Variants in IPP observed in about 807,000 individuals in gnomAD.
IPP encodes the protein intracisternal A particle-promoted polypeptide, also known as actin-binding protein IPP.
IPP carries 41 observed loss-of-function variants against 64.1 expected under a neutral mutation model. The observed-to-expected ratio is 0.64, with a 90% CI of 0.50 to 0.83. IPP has a LOEUF of 0.83. Among genes scored for constraint, IPP ranks in the 40% least tolerant of loss-of-function variants. The pLI is 0.00. For synonymous variants in IPP, 214 were observed against 235.2 expected, an observed-to-expected ratio of 0.91 and a Z score of 0.83; for missense variants, 649 against 703.0, an observed-to-expected ratio of 0.92 and a Z score of 0.87.
At position 45,698,950 on chromosome 1, in the gene IPP, G is replaced by A; in HGVS notation, c.*1016C>T. 2 of 685,348 alleles carry A rather than the reference G, an allele frequency of 2.9e-6. No individual in the cohort carries two copies. The highest frequency in any genetic ancestry group is 3.6e-6 in the Non-Finnish European group (2 of 556,060). 42.5% of individuals were successfully genotyped at this position (685,348 alleles called of 1,614,324 possible). A position where few individuals can be genotyped will look rare whatever the true frequency, so the allele number is the denominator to read the frequency against. Reference sequence around the variant, plus strand: ...TTGCCCAGGCTAGTCTCGAACTCCTGAGTTCAAGCCATCTTCCCGTCTCAC... The same window carrying A: ...TTGCCCAGGCTAGTCTCGAACTCCTAAGTTCAAGCCATCTTCCCGTCTCAC... On this transcript the variant is annotated 3_prime_UTR_variant, in exon 9 of 9. Coordinates refer to ENST00000396478, the MANE Select transcript of IPP (RefSeq NM_005897.3).
intron 4 of IPP, among the ~76,000 whole-genome samples, chr1:45,729,165 A>T (rs1454585515): frequency 6.6e-6 from 1 of 150,718 alleles, no homozygotes; most frequent in East Asian, 1.9e-4. Flanking sequence ...AAAAAAGAAG[A>T]AGTTGTAATA....
At chr1:45,748,502 T>C (rs1330723642) in intron 1 of IPP, among the ~76,000 whole-genome samples, 2 of 151,884 alleles carry the variant, frequency 1.3e-5, no homozygotes, top group African/African-American at 2.4e-5. Flanking sequence ...ACCCTGTCTC[T>C]ACTAAAAATA....
chr1:45,728,479 C>T (rs1461391292), intron 4 of IPP, among the ~76,000 whole-genome samples: 1 of 151,482 alleles, frequency 6.6e-6, no homozygotes, highest in Non-Finnish European at 1.5e-5. Flanking sequence ...ATTTTAAATG[C>T]TGATAAAGTT....
Position 45,699,781 on chromosome 1 carries a change from G to A in IPP, c.*185C>T, listed in dbSNP as rs1431553479. 1 of 1,385,104 alleles carries A rather than the reference G, an allele frequency of 7.2e-7. No individual in the cohort carries two copies. 85.8% of individuals were successfully genotyped at this position (1,385,104 alleles called of 1,614,324 possible). A position where few individuals can be genotyped will look rare whatever the true frequency, so the allele number is the denominator to read the frequency against. The stretch of plus-strand genomic sequence containing the variant: ...GGGCTCAAGTGATCCTTCTGCCTCA[G>A]CCTTCCAAAGTGCTGGGATTATAGG... On this transcript the variant is annotated 3_prime_UTR_variant, in exon 9 of 9. Coordinates refer to ENST00000396478, the MANE Select transcript of IPP (RefSeq NM_005897.3).
Position 45,699,152 on chromosome 1 carries a change from G to A in IPP, c.*814C>T, listed in dbSNP as rs1021041461. ...TTCTCAGGATCAAGACAAAAAATAT[G>A]AGCAAGCAAAAACTTATCATCAAGC... is the stretch of plus-strand genomic sequence containing the variant. On this transcript the variant is annotated 3_prime_UTR_variant, in exon 9 of 9. Coordinates refer to ENST00000396478, the MANE Select transcript of IPP (RefSeq NM_005897.3). The A allele has an allele frequency of 8.1e-6, 8 of 985,158 alleles. No individual in the cohort carries two copies. In the African/African-American group the frequency reaches 1.4e-4, roughly 17 times the overall value. 61.0% of individuals were successfully genotyped at this position (985,158 alleles called of 1,614,324 possible).
At chr1:45,723,627 T>A (rs903540760) in intron 5 of IPP, among the ~76,000 whole-genome samples, 1 of 152,226 alleles carries the variant, frequency 6.6e-6, no homozygotes, top group East Asian at 1.9e-4. Context: ...AAAATTCTAA[T>A]TTCCTTGTTG....
At chr1:45,703,116 C>G (rs925652142) in intron 8 of IPP, among the ~76,000 whole-genome samples, 7 of 151,594 alleles carry the variant, frequency 4.6e-5, no homozygotes, top group Admixed American at 6.6e-5. Flanking sequence ...AAGACAAGGT[C>G]TCACTCTGTG....
intron 4 of IPP, among the ~76,000 whole-genome samples, chr1:45,728,462 T>C (rs1371224310): frequency 6.6e-6 from 1 of 152,012 alleles, no homozygotes; most frequent in East Asian, 1.9e-4. Flanking sequence ...TGCTATATAT[T>C]ATATGTATTT....
chr1:45,721,182 G>T (rs187766356), intron 5 of IPP, among the ~76,000 whole-genome samples: 13 of 152,258 alleles, frequency 8.5e-5, no homozygotes, highest in Non-Finnish European at 1.8e-4. Context: ...CCTTAGAAAG[G>T]CCTACTTGGA....
intron 5 of IPP, among the ~76,000 whole-genome samples, chr1:45,727,244 C>T (rs1272128099): frequency 1.3e-5 from 2 of 151,590 alleles, no homozygotes; most frequent in East Asian, 3.9e-4. Context: ...GAGATAAAGT[C>T]TCGATATATT....
chr1:45,728,173 T>TGTGTGTGTG (rs1645858765), intron 4 of IPP, among the ~76,000 whole-genome samples: 3 of 142,314 alleles, frequency 2.1e-5, no homozygotes, highest in Admixed American at 6.9e-5. Flanking sequence ...TGTGTGTGTG[T>TGTGTGTGTG]TTGAGGCAGG....
At chr1:45,718,019 A>G (rs575882041) in intron 6 of IPP, among the ~76,000 whole-genome samples, 2 of 152,244 alleles carry the variant, frequency 1.3e-5, no homozygotes, top group African/African-American at 2.4e-5. Flanking sequence ...GGAGGCTGAG[A>G]GCTACATCAA....
At chr1:45,723,309 T>G (rs1645758832) in intron 5 of IPP, among the ~76,000 whole-genome samples, 1 of 152,198 alleles carries the variant, frequency 6.6e-6, no homozygotes, top group South Asian at 2.1e-4. Flanking sequence ...TCAATTACTT[T>G]TATAATTTTA....
chr1:45,706,830 TAAAA>T (rs1288772107), intron 8 of IPP, among the ~76,000 whole-genome samples: 1 of 152,156 alleles, frequency 6.6e-6, no homozygotes, highest in African/African-American at 2.4e-5. Flanking sequence ...ATTCAACACT[TAAAA>T]GAAGAAAACA....
chr1:45,746,552 C>A (rs1348264381), intron 1 of IPP, 91 bp from the exon 2 acceptor site: 3 of 600,344 alleles, frequency 5.0e-6, no homozygotes, highest in Admixed American at 6.2e-5. Flanking sequence ...TACTTAAAAT[C>A]TACTTAAGGA....
intron 3 of IPP, among the ~76,000 whole-genome samples, chr1:45,730,883 T>C (rs1007995234): frequency 4.6e-5 from 7 of 152,194 alleles, no homozygotes; most frequent in Non-Finnish European, 1.0e-4. Flanking sequence ...CTGAGAAAAG[T>C]TGAGGAACAA....
At chr1:45,726,811 C>T (rs1645834714) in intron 5 of IPP, among the ~76,000 whole-genome samples, 1 of 151,148 alleles carries the variant, frequency 6.6e-6, no homozygotes, top group African/African-American at 2.4e-5. Context: ...GCAACCTCCG[C>T]CTCCCGGGTT....
intron 8 of IPP, among the ~76,000 whole-genome samples, chr1:45,702,384 G>GT (rs1425047636): frequency 2.0e-5 from 3 of 151,134 alleles, no homozygotes; most frequent in Admixed American, 1.3e-4. Flanking sequence ...CAAATTGTTA[G>GT]TAGGTAGTCA....
intron 2 of IPP, among the ~76,000 whole-genome samples, chr1:45,741,665 T>G: frequency 1.3e-5 from 1 of 75,088 alleles, no homozygotes; most frequent in Non-Finnish European, 3.1e-5. Context: ...GTCCCGCTCT[T>G]TAGCCCAGGC....
Sources: allele counts gnomAD v4.1 joint callset (sites outside exome capture counted in the v4.1 genomes callset), GRCh38; gene constraint gnomAD v4.1.1; transcripts MANE v1.5; gene names NCBI Gene and HGNC (gene_info 2026-07-23, HGNC 2026-07-21).